CRPPA: variants seen among roughly 807,000 people sequenced by gnomAD.
CRPPA encodes the protein CDP-L-ribitol pyrophosphorylase A, also known as D-ribitol-5-phosphate cytidylyltransferase.
CRPPA carries 43 observed loss-of-function variants against 52.0 expected under a neutral mutation model. The ratio of observed to expected loss-of-function variants is 0.83; its 90% CI spans 0.65 to 1.07. The LOEUF (loss-of-function observed/expected upper bound fraction) is 1.07. Among genes scored for constraint, CRPPA ranks in the 50% least tolerant of loss-of-function variants. CRPPA has a pLI of 0.00. For synonymous variants in CRPPA, 250 were observed against 203.5 expected (o/e 1.23, Z -1.94); for missense variants, 629 against 551.7 (o/e 1.14, Z -1.40).
rs1267252882 is a variant in CRPPA, at chr7:16,089,855, T to C, written c.*1840A>G. 6.7e-5 allele frequency: 11 copies of C among 163,946 alleles called. 1 individual carries two copies. The highest frequency in any genetic ancestry group is 1.5e-4 in the Non-Finnish European group (11 of 73,966). 10.2% of individuals were successfully genotyped at this position (163,946 alleles called of 1,614,324 possible). A position where few individuals can be genotyped will look rare whatever the true frequency, so the allele number is the denominator to read the frequency against. ...TCAGCCAGCACTCCAGCGATCAGGG[T>C]GATTTTGCTGTGCCACAAATATGCC... On this transcript the variant is annotated 3_prime_UTR_variant, in exon 10 of 10. Transcript: ENST00000407010.
At chr7:16,204,421 C>T (rs942179550) in intron 9 of CRPPA, among the ~76,000 whole-genome samples, 1 of 152,024 alleles carries the variant, frequency 6.6e-6, no homozygotes, top group Non-Finnish European at 1.5e-5. Context: ...AGCTAAATAA[C>T]GTGTACACAT....
At chr7:16,155,388 G>T (rs199981250) in intron 9 of CRPPA, among the ~76,000 whole-genome samples, 1 of 152,078 alleles carries the variant, frequency 6.6e-6, no homozygotes, top group East Asian at 1.9e-4. Context: ...GTTAATTCAT[G>T]GACAACATAA....
At position 16,282,848 on chromosome 7, in the gene CRPPA, C is replaced by T. The variant is rs945622635; in HGVS notation, c.836-4622G>A. Among the ~76,000 whole-genome samples, 4 of 151,960 alleles carry T rather than the reference C, an allele frequency of 2.6e-5. No individual in the cohort carries two copies. The East Asian group carries it at 7.7e-4, about 29-fold the overall frequency. ...TCCACAGTGGTCTGCATCTGACAGG[C>T]CAATTTCTTACAGTGTCTATGGACG... On this transcript the variant is annotated intron_variant, in intron 5 of 9. Coordinates refer to ENST00000407010, the MANE Select transcript of CRPPA (RefSeq NM_001101426.4).
intron 1 of CRPPA, among the ~76,000 whole-genome samples, chr7:16,408,539 A>G (rs1030315003): frequency 6.6e-6 from 1 of 152,342 alleles, no homozygotes; most frequent in Non-Finnish European, 1.5e-5. Context: ...TAATCCTAAA[A>G]AGAGGATAGG....
intron 9 of CRPPA, among the ~76,000 whole-genome samples, chr7:16,213,885 A>G (rs1440477342): frequency 6.6e-6 from 1 of 152,218 alleles, no homozygotes; most frequent in Non-Finnish European, 1.5e-5. Flanking sequence ...AAAGAGAGAT[A>G]AGGCCTGGTT....
intron 9 of CRPPA, among the ~76,000 whole-genome samples, chr7:16,148,157 A>G (rs1052162119): frequency 1.3e-5 from 2 of 152,216 alleles, no homozygotes; most frequent in African/African-American, 4.8e-5. Context: ...AAACATGTAT[A>G]CATACTATAC....
chr7:16,412,077 C>G (rs1206802731), intron 1 of CRPPA, among the ~76,000 whole-genome samples: 1 of 152,118 alleles, frequency 6.6e-6, no homozygotes, highest in African/African-American at 2.4e-5. Flanking sequence ...TAAAATAACT[C>G]AAATTCTCCA....
chr7:16,327,848 T>C (rs994397490), intron 3 of CRPPA, among the ~76,000 whole-genome samples: 7 of 152,136 alleles, frequency 4.6e-5, no homozygotes, highest in African/African-American at 1.4e-4. Context: ...ACATACTCCT[T>C]CTGCTTGCTT....
intron 2 of CRPPA, among the ~76,000 whole-genome samples, chr7:16,385,027 T>C (rs1173853494): frequency 6.6e-6 from 1 of 152,120 alleles, no homozygotes; most frequent in Non-Finnish European, 1.5e-5. Context: ...AGTATAACTA[T>C]AATGAACATT....
intron 6 of CRPPA, among the ~76,000 whole-genome samples, chr7:16,263,990 A>AT (rs35574118): frequency 6.6e-6 from 1 of 151,846 alleles, no homozygotes; most frequent in Non-Finnish European, 1.5e-5. Context: ...CCAAACTGCA[A>AT]TTTTTTTTCT....
chr7:16,217,166 C>T (rs1315759644), intron 8 of CRPPA, among the ~76,000 whole-genome samples: 16 of 145,586 alleles, frequency 1.1e-4, no homozygotes, highest in South Asian at 4.6e-4. Flanking sequence ...GGGAGGCACC[C>T]CCCAGCAGGG....
chr7:16,217,815 T>C (rs1311816515), intron 8 of CRPPA, among the ~76,000 whole-genome samples: 2 of 151,576 alleles, frequency 1.3e-5, no homozygotes, highest in Non-Finnish European at 2.9e-5. Flanking sequence ...CTACGTCTGA[T>C]TGGTGTACCT....
At chr7:16,382,097 T>C (rs556424049) in intron 2 of CRPPA, among the ~76,000 whole-genome samples, 46 of 152,238 alleles carry the variant, frequency 3.0e-4, no homozygotes, top group African/African-American at 1.1e-3. Context: ...TGATGGTCTT[T>C]ATAATTTGGC....
At chr7:16,181,295 A>G (rs1246970692) in intron 9 of CRPPA, among the ~76,000 whole-genome samples, 1 of 151,962 alleles carries the variant, frequency 6.6e-6, no homozygotes, top group Non-Finnish European at 1.5e-5. Context: ...ACCTTTGAAA[A>G]CTACTTCCTT....
intron 9 of CRPPA, among the ~76,000 whole-genome samples, chr7:16,125,094 T>C (rs1167539794): frequency 6.6e-6 from 1 of 151,498 alleles, no homozygotes; most frequent in Non-Finnish European, 1.5e-5. Flanking sequence ...CCCCCATCTC[T>C]ACTAAAAATA....
intron 3 of CRPPA, among the ~76,000 whole-genome samples, chr7:16,361,990 G>C (rs958688514): frequency 1.3e-5 from 2 of 151,978 alleles, no homozygotes; most frequent in Non-Finnish European, 2.9e-5. Flanking sequence ...GAGTAGCTGG[G>C]ACTACAGGCA....
intron 8 of CRPPA, among the ~76,000 whole-genome samples, chr7:16,239,719 A>C (rs916525277): frequency 1.3e-5 from 2 of 152,164 alleles, no homozygotes; most frequent in Non-Finnish European, 2.9e-5. Context: ...CCTCCTGTGC[A>C]TTTCATCTTA....
At chr7:16,390,068 C>T (rs2128314704) in intron 2 of CRPPA, among the ~76,000 whole-genome samples, 1 of 150,610 alleles carries the variant, frequency 6.6e-6, no homozygotes, top group African/African-American at 2.4e-5. Context: ...TGAAGAAGTT[C>T]AGAAGTTACT....
At chr7:16,379,133 T>C (rs1787000041) in intron 2 of CRPPA, among the ~76,000 whole-genome samples, 1 of 152,254 alleles carries the variant, frequency 6.6e-6, no homozygotes. Context: ...TTGTCAATTC[T>C]GGCCTTTGTT....
Sources: gnomAD v4.1 joint callset for allele counts (sites outside exome capture counted in the v4.1 genomes callset) on GRCh38, gnomAD v4.1.1 for gene constraint, MANE v1.5 for transcripts, NCBI Gene and HGNC (gene_info 2026-07-23, HGNC 2026-07-21) for gene names.